The following DNM3 variants were observed in gnomAD, a reference collection of about 807,000 sequenced individuals.
DNM3 encodes dynamin-3.
DNM3 carries 47 observed loss-of-function variants against 101.6 expected under a neutral mutation model. The observed-to-expected ratio is 0.46, with a 90% CI of 0.37 to 0.59. DNM3 has a LOEUF of 0.59. Among genes scored for constraint, DNM3 ranks in the 20% least tolerant of loss-of-function variants. The pLI is 0.00. For synonymous variants in DNM3, 385 were observed against 387.9 expected (o/e 0.99, Z 0.09); for missense variants, 849 against 1,085.7 (o/e 0.78, Z 3.06).
At chr1:171,910,316 A>G (rs984370631) in intron 1 of DNM3, among the ~76,000 whole-genome samples, 2 of 152,240 alleles carry the variant, frequency 1.3e-5, no homozygotes, top group Non-Finnish European at 2.9e-5. Flanking sequence ...TACACAATTT[A>G]TGTTTTAAAT....
At chr1:172,195,668 G>A (rs999774656) in intron 14 of DNM3, among the ~76,000 whole-genome samples, 3 of 151,770 alleles carry the variant, frequency 2.0e-5, no homozygotes, top group East Asian at 1.9e-4. Context: ...TGCATCTATC[G>A]ATATGATAGT....
rs141950487 is a variant in DNM3, at chr1:171,847,879, A to ACTCTCT, written c.161+6075_161+6080dup. 3.0e-3 allele frequency among the ~76,000 whole-genome samples: 423 copies of ACTCTCT among 140,460 alleles called. 5 individuals carry two copies. The highest frequency in any genetic ancestry group is 0.011 in the African/African-American group (407 of 37,808). 92.1% of individuals were successfully genotyped at this position (140,460 alleles called of 152,430 possible). A position where few individuals can be genotyped will look rare whatever the true frequency, so the allele number is the denominator to read the frequency against. ...AGGGTTCATTAATACCATATTAATTACTCTCTCTCTCTCTCTCTGTGTGTG... is the reference window on the plus strand; with the variant it reads ...AGGGTTCATTAATACCATATTAATTACTCTCTCTCTCTCTCTCTCTCTCTGTGTGTG... On this transcript the variant is annotated intron_variant, in intron 1 of 20. Transcript: ENST00000627582.
At chr1:172,334,415 C>T (rs371477730) in intron 17 of DNM3, among the ~76,000 whole-genome samples, 233 of 152,148 alleles carry the variant, frequency 1.5e-3, no homozygotes, top group African/African-American at 5.1e-3. Context: ...CCAGAGGTGC[C>T]GCTGAACATC....
At chr1:172,048,817 ATGATTCTCTT>A in intron 10 of DNM3, 67 bp downstream of exon 10, 1 of 1,546,384 alleles carries the variant, frequency 6.5e-7, no homozygotes, top group Admixed American at 1.8e-5. Flanking sequence ...ATCTCATTGC[ATGATTCTCTT>A]TCCCTGACCC....
intron 14 of DNM3, chr1:172,144,663 T>A (rs1295328849): frequency 3.8e-6 from 2 of 525,266 alleles, no homozygotes; most frequent in Non-Finnish European, 7.8e-6. Context: ...CTTAAAATCC[T>A]CTCCCGGTCC....
chr1:172,040,767 T>C (rs530200608), intron 7 of DNM3, among the ~76,000 whole-genome samples: 75 of 152,138 alleles, frequency 4.9e-4, no homozygotes, highest in Non-Finnish European at 9.1e-4. Context: ...GAACCAATGC[T>C]TGAGCTGAGT....
Position 171,987,714 on chromosome 1 carries a change from C to T in DNM3, c.294C>T (p.Arg98=). ...AATTTACAGATTTTGATGAAGTTCG[C>T]CTTGAGATTGAAGCAGAAACAGATC... ...GKKFTDFDEV[R]LEIEAETDRV... is the part of the protein sequence containing the mutation. Residue 98 remains arginine (R), a synonymous_variant, in exon 3 of 21, where the codon CGC becomes CGT. Coordinates refer to ENST00000627582, the MANE Select transcript of DNM3 (RefSeq NM_015569.5). 1.3e-6 allele frequency: 2 copies of T among 1,599,062 alleles called. No homozygotes were observed. Among genetic ancestry groups the T allele is most frequent in the Non-Finnish European group, 1.7e-6 (2 of 1,173,302 alleles).
At chr1:171,905,310 A>C (rs1265437547) in intron 1 of DNM3, among the ~76,000 whole-genome samples, 2 of 152,324 alleles carry the variant, frequency 1.3e-5, no homozygotes, top group South Asian at 4.1e-4. Flanking sequence ...AATTCATGTC[A>C]AATATCAGTC....
At chr1:172,354,114 A>T (rs10911635) in intron 17 of DNM3, among the ~76,000 whole-genome samples, 1,201 of 82,424 alleles carry the variant, frequency 0.015, 29 homozygotes, top group African/African-American at 0.094. Flanking sequence ...TGTGTGTGTG[A>T]GAGAGAGAGA....
chr1:171,932,511 C>T (rs927658634), intron 2 of DNM3, among the ~76,000 whole-genome samples: 1 of 151,974 alleles, frequency 6.6e-6, no homozygotes, highest in East Asian at 1.9e-4. Flanking sequence ...TTTTCCCTTC[C>T]CTCACTTCAG....
chr1:172,300,491 G>C (rs977136618), intron 15 of DNM3, among the ~76,000 whole-genome samples: 1 of 152,036 alleles, frequency 6.6e-6, no homozygotes, highest in Admixed American at 6.6e-5. Flanking sequence ...GTATTTTCTA[G>C]ATTTTCTTCT....
chr1:172,202,619 C>A (rs115207211), intron 14 of DNM3, among the ~76,000 whole-genome samples: 1 of 152,028 alleles, frequency 6.6e-6, no homozygotes. Context: ...AGACTTAGCG[C>A]GGTAACTGGA....
At position 172,092,180 on chromosome 1, in the gene DNM3, C is replaced by T. The variant is rs561127897; in HGVS notation, c.1494-644C>T. 3.5e-4 allele frequency among the ~76,000 whole-genome samples: 54 copies of T among 152,242 alleles called. No homozygotes were observed. The Middle Eastern group carries it at 0.017, about 48-fold the overall frequency. On this transcript the variant is annotated intron_variant, in intron 12 of 20. Coordinates refer to ENST00000627582, the MANE Select transcript of DNM3 (RefSeq NM_015569.5). ...AGTGATGAGGTTAAGTTGTTAAAAA[C>T]ATCAATAAGTCCAGAGTTGGGACTC... is the stretch of plus-strand genomic sequence containing the variant.
At chr1:172,044,601 T>A in intron 9 of DNM3, 149 bp downstream of exon 9, 1 of 676,208 alleles carries the variant, frequency 1.5e-6, no homozygotes, top group Non-Finnish European at 2.5e-6. Flanking sequence ...CTTTGGGGTT[T>A]AATGGTAACT....
intron 2 of DNM3, among the ~76,000 whole-genome samples, chr1:171,928,432 G>A (rs979022296): frequency 2.6e-5 from 4 of 152,006 alleles, no homozygotes; most frequent in Admixed American, 2.6e-4. Flanking sequence ...GGTTCCTGGG[G>A]GCTCCACCCC....
rs2149135614 is a variant in DNM3, at chr1:172,410,704, G to A, written c.*2863G>A. On this transcript the variant is annotated 3_prime_UTR_variant, in exon 21 of 21. Transcript: ENST00000627582. ...GACGAGCAGTAGGGTCTGTTTATTA[G>A]CAAATTTCCTATTTGTTCCAATACA... The A allele has an allele frequency of 1.0e-6, 1 of 985,222 alleles. No homozygotes were observed. The highest frequency in any genetic ancestry group is 1.7e-5 in the African/African-American group (1 of 57,322). The allele number at this position is 985,222 out of a possible 1,614,324, so 61.0% of individuals were successfully genotyped here.
chr1:171,968,700 G>A (rs1194294316), intron 2 of DNM3, among the ~76,000 whole-genome samples: 4 of 152,088 alleles, frequency 2.6e-5, no homozygotes, highest in African/African-American at 7.2e-5. Context: ...CAAACCGATG[G>A]CCTCCTATAA....
intron 18 of DNM3, among the ~76,000 whole-genome samples, chr1:172,385,180 T>C (rs1358861294): frequency 6.6e-6 from 1 of 152,238 alleles, no homozygotes; most frequent in African/African-American, 2.4e-5. Context: ...TTTATACTAC[T>C]GCGTTATTAA....
At position 172,331,197 on chromosome 1, in the gene DNM3, C is replaced by T. The variant is rs570291021; in HGVS notation, c.1893+7857C>T. Among the ~76,000 whole-genome samples the T allele has an allele frequency of 1.7e-3, 266 of 152,208 alleles. No homozygotes were observed. In the Middle Eastern group the frequency reaches 0.027, roughly 16 times the overall value. ...TAAATTCCAGTTTCCTACCTGTCAG[C>T]GCTGTTGACTACTATGACTGTGTTG... On this transcript the variant is annotated intron_variant, in intron 17 of 20. Coordinates refer to ENST00000627582, the MANE Select transcript of DNM3 (RefSeq NM_015569.5).
Sources: allele counts gnomAD v4.1 joint callset (sites outside exome capture counted in the v4.1 genomes callset), GRCh38; gene constraint gnomAD v4.1.1; transcripts MANE v1.5; gene names NCBI Gene and HGNC (gene_info 2026-07-23, HGNC 2026-07-21).